The following APOOL variants were observed in gnomAD, a reference collection of about 807,000 sequenced individuals.
APOOL encodes MICOS complex subunit MIC27.
In APOOL, 12 loss-of-function variants were observed where a neutral mutation model predicts 23.1. The observed-to-expected ratio is 0.52, with a 90% CI of 0.33 to 0.84. APOOL has a LOEUF of 0.84. APOOL is among the 40% of genes least tolerant of loss of function. The pLI is 0.02. For synonymous variants in APOOL, 77 were observed against 69.9 expected, an observed-to-expected ratio of 1.10 and a Z score of -0.51; for missense variants, 212 against 199.6, an observed-to-expected ratio of 1.06 and a Z score of -0.37.
Position 85,087,752 on chromosome X carries a change from A to G in APOOL, c.*74A>G. On this transcript the variant is annotated 3_prime_UTR_variant, in exon 9 of 9. Coordinates refer to ENST00000373173, the MANE Select transcript of APOOL (RefSeq NM_198450.6). ...TTGCAAATAATGATGAAAATAAATC[A>G]TGTAATGGGTAACTGATACATAGAG... The G allele has an allele frequency of 1.1e-6, 1 of 891,197 alleles. No individual in the cohort carries two copies. The highest frequency in any genetic ancestry group is 2.6e-5 in the South Asian group (1 of 37,787). 73.4% of individuals were successfully genotyped at this position (891,197 alleles called of 1,213,427 possible). A position where few individuals can be genotyped will look rare whatever the true frequency, so the allele number is the denominator to read the frequency against.
intron 1 of APOOL, among the ~76,000 whole-genome samples, chrX:85,012,731 T>C (rs1429716703): frequency 3.6e-5 from 4 of 112,303 alleles, no homozygotes; most frequent in Non-Finnish European, 7.5e-5. Context: ...ATATGCTGTT[T>C]GGATTCAGTT....
intron 1 of APOOL, among the ~76,000 whole-genome samples, chrX:85,044,044 T>G (rs1223584593): frequency 2.7e-5 from 3 of 111,796 alleles, no homozygotes; most frequent in African/African-American, 9.7e-5. Context: ...AATGATGGGC[T>G]TGTTTTATAT....
intron 8 of APOOL, among the ~76,000 whole-genome samples, chrX:85,086,804 A>G (rs1461103108): frequency 1.4e-5 from 1 of 69,793 alleles, no homozygotes; most frequent in Non-Finnish European, 2.7e-5. Context: ...GGTTCACGCC[A>G]TTCTCCTGCC....
intron 1 of APOOL, among the ~76,000 whole-genome samples, chrX:85,035,483 T>G (rs907634718): frequency 4.5e-5 from 5 of 111,552 alleles, no homozygotes; most frequent in Non-Finnish European, 9.4e-5. Context: ...TTTTTGCTTT[T>G]GTTGGAATTG....
chrX:85,079,698 C>T (rs2094676328), intron 8 of APOOL, among the ~76,000 whole-genome samples: 2 of 111,237 alleles, frequency 1.8e-5, no homozygotes, highest in Admixed American at 9.6e-5. Flanking sequence ...TGGTAGATTT[C>T]GGCTGTGAAA....
chrX:85,072,549 A>C, intron 6 of APOOL, among the ~76,000 whole-genome samples: 1 of 111,244 alleles, frequency 9.0e-6, no homozygotes, highest in South Asian at 3.8e-4. Context: ...TGCTAATTTC[A>C]TCATTGCTTA....
Position 85,084,273 on chromosome X carries a change from C to CT in APOOL, c.719-3316dup, listed in dbSNP as rs762528022. Among the ~76,000 whole-genome samples the CT allele has an allele frequency of 4.5e-4, 48 of 107,800 alleles. No individual in the cohort carries two copies. In the East Asian group the frequency reaches 7.4e-3, roughly 17 times the overall value. The allele number at this position is 107,800 out of a possible 115,157, so 93.6% of individuals were successfully genotyped here. On this transcript the variant is annotated intron_variant, in intron 8 of 8. Transcript: ENST00000373173. ...GTCTCAGCCTCCCAAGTAACTGAGA[C>CT]TACAGGCACCTGCCACCAAACCCAG...
Position 85,089,229 on chromosome X carries a change from C to T in APOOL, c.*1551C>T, listed in dbSNP as rs1271755006. 2.7e-5 allele frequency: 3 copies of T among 110,465 alleles called. No individual in the cohort carries two copies. Among genetic ancestry groups the T allele is most frequent in the African/African-American group, 9.9e-5 (3 of 30,287 alleles). 9.1% of individuals were successfully genotyped at this position (110,465 alleles called of 1,213,427 possible). On this transcript the variant is annotated 3_prime_UTR_variant, in exon 9 of 9. Coordinates refer to ENST00000373173, the MANE Select transcript of APOOL (RefSeq NM_198450.6). Reference sequence around the variant, plus strand: ...TCAAGCAATCCTCCCATCTCACCCTCCCAAGTAGCTGGGACTATAGGCACC... The same window carrying T: ...TCAAGCAATCCTCCCATCTCACCCTTCCAAGTAGCTGGGACTATAGGCACC...
At position 85,091,909 on chromosome X, in the gene APOOL, TA is replaced by T. The variant is rs765529396; in HGVS notation, c.*4240del. On this transcript the variant is annotated 3_prime_UTR_variant, in exon 9 of 9. Transcript: ENST00000373173. The stretch of plus-strand genomic sequence containing the variant: ...TAAGGCATATCATATACCTTTAATT[TA>T]AAAAAAAATGCTGAGCAGAGTTGCT... 8.4e-4 allele frequency: 93 copies of T among 111,160 alleles called. 1 individual carries two copies. The highest frequency in any genetic ancestry group is 2.7e-3 in the African/African-American group (82 of 30,421). 9.2% of individuals were successfully genotyped at this position (111,160 alleles called of 1,213,427 possible). A position where few individuals can be genotyped will look rare whatever the true frequency, so the allele number is the denominator to read the frequency against.
chrX:85,056,552 T>TGA (rs1190957583), intron 5 of APOOL, among the ~76,000 whole-genome samples: 3 of 110,937 alleles, frequency 2.7e-5, no homozygotes, highest in African/African-American at 6.6e-5. Flanking sequence ...GAGACCAGCC[T>TGA]GACCAACATG....
chrX:85,049,053 C>T (rs1451380600), intron 2 of APOOL, among the ~76,000 whole-genome samples: 4 of 110,949 alleles, frequency 3.6e-5, no homozygotes, highest in Admixed American at 2.9e-4. Context: ...TATTTTCTTG[C>T]CATTTGCTTG....
intron 5 of APOOL, among the ~76,000 whole-genome samples, chrX:85,063,577 A>T (rs752614740): frequency 1.5e-3 from 167 of 111,185 alleles, no homozygotes; most frequent in Non-Finnish European, 2.7e-3. Flanking sequence ...ACATGAAGGG[A>T]TGTTGAATTT....
intron 1 of APOOL, among the ~76,000 whole-genome samples, chrX:85,019,762 C>T (rs1921595601): frequency 8.9e-6 from 1 of 111,770 alleles, no homozygotes. Context: ...ATGACTTGAC[C>T]TCATGGGGAA....
At chrX:85,076,995 T>TTATATATATATA (rs752255967) in intron 8 of APOOL, among the ~76,000 whole-genome samples, 15 of 82,498 alleles carry the variant, frequency 1.8e-4, no homozygotes, top group African/African-American at 7.8e-4. Context: ...TTTGCTAAAC[T>TTATATATATATA]TATATATATA....
At chrX:85,082,892 C>G (rs1924161675) in intron 8 of APOOL, among the ~76,000 whole-genome samples, 1 of 111,786 alleles carries the variant, frequency 8.9e-6, no homozygotes, top group Admixed American at 9.5e-5. Context: ...GACTAAATAG[C>G]CAAACTCAAA....
chrX:85,024,801 T>G (rs925238139), intron 1 of APOOL, among the ~76,000 whole-genome samples: 3 of 112,457 alleles, frequency 2.7e-5, no homozygotes, highest in Non-Finnish European at 3.8e-5. Flanking sequence ...TTCCCAGTTT[T>G]CACCATCTGC....
At chrX:85,036,353 G>C (rs1470876362) in intron 1 of APOOL, among the ~76,000 whole-genome samples, 1 of 112,114 alleles carries the variant, frequency 8.9e-6, no homozygotes, top group Non-Finnish European at 1.9e-5. Flanking sequence ...CGCTGGAGTT[G>C]TTTATTAGAA....
rs1476383305 is a variant in APOOL at position 85,077,976 on chromosome X, A to T, written c.718+3585A>T. On this transcript the variant is annotated intron_variant, in intron 8 of 8. Transcript: ENST00000373173. Reference sequence around the variant, plus strand: ...GTAAATTTGTTTAAGTTCTTTGTAGATTCTGGATATTAACCCTTTGTCAGA... The same window carrying T: ...GTAAATTTGTTTAAGTTCTTTGTAGTTTCTGGATATTAACCCTTTGTCAGA... Among the ~76,000 whole-genome samples the T allele has an allele frequency of 2.7e-5, 3 of 111,451 alleles. No homozygotes were observed. The East Asian group carries it at 8.5e-4, about 31-fold the overall frequency.
chrX:85,028,658 A>T (rs1921927439), intron 1 of APOOL, among the ~76,000 whole-genome samples: 1 of 108,952 alleles, frequency 9.2e-6, no homozygotes, highest in African/African-American at 3.4e-5. Flanking sequence ...TGTAATAACT[A>T]ACCATTCCCA....
Sources: gnomAD v4.1 joint callset for allele counts (sites outside exome capture counted in the v4.1 genomes callset) on GRCh38, gnomAD v4.1.1 for gene constraint, MANE v1.5 for transcripts, NCBI Gene and HGNC (gene_info 2026-07-23, HGNC 2026-07-21) for gene names.